Variants in ENO4 observed in about 807,000 individuals in gnomAD.
ENO4 encodes enolase 4.
ENO4 carries 53 observed loss-of-function variants against 63.2 expected under a neutral mutation model. The observed-to-expected ratio is 0.84, with a 90% confidence interval of 0.67 to 1.05. ENO4 has a LOEUF of 1.05. ENO4 is among the 50% of genes least tolerant of loss of function. The pLI is 0.00. For synonymous variants in ENO4, 266 were observed against 283.8 expected (o/e 0.94, Z 0.63); for missense variants, 719 against 772.0 (o/e 0.93, Z 0.81).
intron 8 of ENO4, among the ~76,000 whole-genome samples, chr10:116,869,735 T>A (rs1488831873): frequency 6.6e-6 from 1 of 151,652 alleles, no homozygotes; most frequent in Non-Finnish European, 1.5e-5. Flanking sequence ...TAGACCAACA[T>A]CAGCCTTCCC....
intron 7 of ENO4, among the ~76,000 whole-genome samples, chr10:116,867,818 T>C (rs1166216645): frequency 6.6e-6 from 1 of 152,174 alleles, no homozygotes. Flanking sequence ...AATCCAATAA[T>C]AATGCAAACC....
At chr10:116,894,903 G>A (rs943372755) in intron 10 of ENO4, among the ~76,000 whole-genome samples, 1 of 152,180 alleles carries the variant, frequency 6.6e-6, no homozygotes, top group Non-Finnish European at 1.5e-5. Context: ...TGACTGTGAT[G>A]CAGACACATT....
intron 10 of ENO4, among the ~76,000 whole-genome samples, chr10:116,895,535 A>G (rs1847487979): frequency 2.0e-5 from 3 of 152,198 alleles, no homozygotes; most frequent in Admixed American, 2.0e-4. Context: ...TGCTTAGGTT[A>G]GCCTTACAGA....
At chr10:116,893,845 A>G (rs1231830724) in intron 10 of ENO4, among the ~76,000 whole-genome samples, 6 of 152,218 alleles carry the variant, frequency 3.9e-5, no homozygotes, top group Non-Finnish European at 8.8e-5. Flanking sequence ...TAAGAATCTC[A>G]ATTTTTATTT....
At chr10:116,910,702 A>G (rs1465910147) in intron 10 of ENO4, among the ~76,000 whole-genome samples, 1 of 152,116 alleles carries the variant, frequency 6.6e-6, no homozygotes, top group Admixed American at 6.5e-5. Flanking sequence ...AAACACAACA[A>G]AAGAGACTGT....
chr10:116,911,870 C>T (rs559048553), downstream of ENO4: 1,753 of 1,554,710 alleles, frequency 1.1e-3, 33 homozygotes, highest in South Asian at 0.018. Context: ...AAAGAAAAAT[C>T]ACTGAGTAAT....
chr10:116,876,292 A>G, intron 11 of ENO4, 32 bp downstream of exon 11: 1 of 1,485,206 alleles, frequency 6.7e-7, no homozygotes, highest in Non-Finnish European at 9.0e-7. Context: ...AAAGACTCGT[A>G]ATGACTTGGT....
In ENO4 at chr10:116,872,169, C is replaced by A. The variant is rs567608595; in HGVS notation, c.1215+877C>A. Among the ~76,000 whole-genome samples, 6 of 152,336 alleles carry A rather than the reference C, an allele frequency of 3.9e-5. 1 individual carries two copies. Among genetic ancestry groups the A allele is most frequent in the African/African-American group, 1.4e-4 (6 of 41,580 alleles). ...CCAAGATCGTGCCATTGCACTCCAG[C>A]CTGGGCAACAAGAGTGAAACTCCAT... On this transcript the variant is annotated intron_variant, in intron 9 of 13. Coordinates refer to ENST00000341276, the MANE Select transcript of ENO4 (RefSeq NM_001242699.2).
chr10:116,863,436 T>C (rs1564847397), intron 7 of ENO4, among the ~76,000 whole-genome samples: 1 of 151,924 alleles, frequency 6.6e-6, no homozygotes, highest in African/African-American at 2.4e-5. Context: ...TCCCCCAATG[T>C]TAATGATATA....
intron 10 of ENO4, among the ~76,000 whole-genome samples, chr10:116,898,340 T>C (rs1011197426): frequency 1.3e-5 from 2 of 151,392 alleles, no homozygotes; most frequent in South Asian, 4.2e-4. Context: ...AAAAAAAAAA[T>C]TCTATAATTT....
chr10:116,879,232 G>A, intron 11 of ENO4, 59 bp from the exon 12 acceptor site: 1 of 1,218,960 alleles, frequency 8.2e-7, no homozygotes, highest in Non-Finnish European at 1.2e-6. Context: ...TGATCCCAGA[G>A]GCCCACATGT....
In ENO4 at chr10:116,851,819, C is replaced by T. The variant is rs567711763; in HGVS notation, c.165+2088C>T. On this transcript the variant is annotated intron_variant, in intron 1 of 13. Coordinates refer to ENST00000341276, the MANE Select transcript of ENO4 (RefSeq NM_001242699.2). Reference sequence around the variant, plus strand: ...AAAGCCAGAAGTTTCCTACCTCCCTCCTCTTTGCTTGTCCCATTCTCTCTC... The same window carrying T: ...AAAGCCAGAAGTTTCCTACCTCCCTTCTCTTTGCTTGTCCCATTCTCTCTC... Among the ~76,000 whole-genome samples, 23 of 152,266 alleles carry T rather than the reference C, an allele frequency of 1.5e-4. No homozygotes were observed. The South Asian group carries it at 4.6e-3, about 30-fold the overall frequency.
Position 116,860,790 on chromosome 10 carries a change from C to T in ENO4, c.635-4C>T. 1 of 1,478,032 alleles carries T rather than the reference C, an allele frequency of 6.8e-7. No homozygotes were observed. Among genetic ancestry groups the T allele is most frequent in the Non-Finnish European group, 9.1e-7 (1 of 1,101,600 alleles). 91.6% of individuals were successfully genotyped at this position (1,478,032 alleles called of 1,614,324 possible). ...AGTCTTACTCTCAATATTTCTCCCT[C>T]CAGGGAGGAAGGATACTATTACAGA... On this transcript the variant is annotated splice_polypyrimidine_tract_variant and splice_region_variant and intron_variant, in intron 4 of 13. Transcript: ENST00000341276.
intron 13 of ENO4, among the ~76,000 whole-genome samples, chr10:116,880,383 G>C (rs1244661798): frequency 6.6e-6 from 1 of 152,142 alleles, no homozygotes; most frequent in South Asian, 2.1e-4. Context: ...AGTAGGCAGC[G>C]TGTTAATTTT....
rs1846385014 is a variant in ENO4 at position 116,860,658 on chromosome 10, G to GA, written c.635-132dup. On this transcript the variant is annotated intron_variant, in intron 4 of 13. Transcript: ENST00000341276. ...TGAGAATCTTAAGCAAAAGCAAACA[G>GA]AAAACTTTTTGGGGGTTGAGGTAGA... 11 of 593,176 alleles carry GA rather than the reference G, an allele frequency of 1.9e-5. No individual in the cohort carries two copies. In the Admixed American group the frequency reaches 3.8e-4, roughly 21 times the overall value. 36.7% of individuals were successfully genotyped at this position (593,176 alleles called of 1,614,324 possible).
intron 13 of ENO4, 156 bp from the exon 14 acceptor site, chr10:116,881,359 C>A: frequency 1.7e-6 from 1 of 572,670 alleles, no homozygotes; most frequent in Non-Finnish European, 3.1e-6. Context: ...AACATATAAC[C>A]AAAGATACGC....
At chr10:116,909,016 C>T (rs1199290325) in intron 10 of ENO4, among the ~76,000 whole-genome samples, 1 of 152,096 alleles carries the variant, frequency 6.6e-6, no homozygotes, top group Non-Finnish European at 1.5e-5. Context: ...AATAAAATAC[C>T]AAGACTATTT....
chr10:116,897,775 G>C (rs915885028), intron 10 of ENO4, among the ~76,000 whole-genome samples: 1 of 152,154 alleles, frequency 6.6e-6, no homozygotes, highest in African/African-American at 2.4e-5. Flanking sequence ...GGCAGACCCA[G>C]GATCTGAACC....
rs531071276 is a variant in ENO4, at chr10:116,860,828, G to A, written c.669G>A (p.Ala223=). 1.9e-5 allele frequency: 29 copies of A among 1,539,078 alleles called. No homozygotes were observed. The Middle Eastern group carries it at 5.1e-4, about 27-fold the overall frequency. ...ATACTATTACAGAGAAACCTATTGCGCCTGCAGAGCCTGTTGAGCCTGTAC... is the reference window on the plus strand; with the variant it reads ...ATACTATTACAGAGAAACCTATTGCACCTGCAGAGCCTGTTGAGCCTGTAC... The part of the protein sequence containing the change: ...RKDTITEKPI[A]PAEPVEPVLS... The change falls in exon 5 of 14, where the codon GCG becomes GCA. Residue 223 remains alanine, a synonymous_variant. Transcript: ENST00000341276.
Sources: gnomAD v4.1 joint callset for allele counts (sites outside exome capture counted in the v4.1 genomes callset) on GRCh38, gnomAD v4.1.1 for gene constraint, MANE v1.5 for transcripts, NCBI Gene and HGNC (gene_info 2026-07-23, HGNC 2026-07-21) for gene names.